MYO5B: variants seen among roughly 807,000 people sequenced by gnomAD.
The protein encoded by MYO5B is myosin VB, also known as unconventional myosin-Vb.
Under a neutral mutation model 229.3 loss-of-function variants are expected in MYO5B, and 143 were observed. That is an observed-to-expected ratio of 0.62 (90% CI 0.54 to 0.72). The LOEUF is 0.72. Among genes scored for constraint, MYO5B ranks in the 30% least tolerant of loss-of-function variants. The pLI is 0.00. For missense variants in MYO5B, 2,321 were observed against 2,331.0 expected, an observed-to-expected ratio of 1.00 and a Z score of 0.09; for synonymous variants, 918 against 885.2, an observed-to-expected ratio of 1.04 and a Z score of -0.66.
chr18:49,942,442 A>G (rs1192844123), intron 14 of MYO5B, among the ~76,000 whole-genome samples: 1 of 149,674 alleles, frequency 6.7e-6, no homozygotes, highest in Non-Finnish European at 1.5e-5. Flanking sequence ...ACAGAATGGG[A>G]GAAAATTTTT....
At chr18:49,890,824 G>C (rs546501466) in intron 22 of MYO5B, among the ~76,000 whole-genome samples, 1 of 152,310 alleles carries the variant, frequency 6.6e-6, no homozygotes, top group East Asian at 1.9e-4. Context: ...CATTTTCTGA[G>C]AATGTTCTTC....
chr18:50,050,291 A>C (rs1424544901), intron 2 of MYO5B, among the ~76,000 whole-genome samples: 1 of 152,166 alleles, frequency 6.6e-6, no homozygotes, highest in Non-Finnish European at 1.5e-5. Flanking sequence ...TGGTTTTGCC[A>C]GATGTGTGCA....
At position 49,863,272 on chromosome 18, in the gene MYO5B, T is replaced by C; in HGVS notation, c.3899A>G (p.Gln1300Arg). ...SWPNSEKHVD[Q>R]EDAIEAYHGV... ...GTGATAGGCCTCAATGGCATCCTCC[T>C]GGTCAACATGCTTTTCACTGTTAGG... Residue 1300 changes from glutamine (Q) to arginine (R), a missense_variant, in exon 29 of 40, where the codon CAG (glutamine) becomes CGG (arginine). Coordinates refer to ENST00000285039, the MANE Select transcript of MYO5B (RefSeq NM_001080467.3). The C allele has an allele frequency of 6.2e-7, 1 of 1,613,750 alleles. No homozygotes were observed. The highest frequency in any genetic ancestry group is 1.1e-5 in the South Asian group (1 of 91,058).
intron 4 of MYO5B, among the ~76,000 whole-genome samples, chr18:50,013,396 C>A (rs1034428376): frequency 6.6e-6 from 1 of 152,180 alleles, no homozygotes; most frequent in African/African-American, 2.4e-5. Flanking sequence ...CCAACTGCAC[C>A]TACACCCTGA....
intron 4 of MYO5B, among the ~76,000 whole-genome samples, chr18:50,032,798 C>G (rs910295293): frequency 6.6e-6 from 1 of 152,090 alleles, no homozygotes; most frequent in Admixed American, 6.6e-5. Context: ...CCAGCCTGGT[C>G]AACAAGGCAA....
At chr18:50,015,741 G>A (rs541742880) in intron 4 of MYO5B, among the ~76,000 whole-genome samples, 2 of 152,260 alleles carry the variant, frequency 1.3e-5, no homozygotes, top group South Asian at 2.1e-4. Flanking sequence ...CTGTGCCATC[G>A]AGGTGAGCAA....
At chr18:49,984,132 A>T (rs1208696193) in intron 8 of MYO5B, among the ~76,000 whole-genome samples, 3 of 152,176 alleles carry the variant, frequency 2.0e-5, no homozygotes, top group Non-Finnish European at 4.4e-5. Flanking sequence ...TCTCCCCCAA[A>T]AGTGGCAGGG....
rs1426074622 is a variant in MYO5B at position 49,989,983 on chromosome 18, T to C, written c.838+456A>G. On this transcript the variant is annotated intron_variant, in intron 7 of 39. Coordinates refer to ENST00000285039, the MANE Select transcript of MYO5B (RefSeq NM_001080467.3). Reference sequence around the variant, plus strand: ...ATGCCATACTGCATCCATATGGCTCTAGAGCCACCCCTGCTTTATTCTCTG... The same window carrying C: ...ATGCCATACTGCATCCATATGGCTCCAGAGCCACCCCTGCTTTATTCTCTG... Among the ~76,000 whole-genome samples, 3 of 152,232 alleles carry C rather than the reference T, an allele frequency of 2.0e-5. 1 individual carries two copies. The highest frequency in any genetic ancestry group is 4.8e-5 in the African/African-American group (2 of 41,458).
At chr18:50,100,037 A>T (rs1251473318) in intron 1 of MYO5B, among the ~76,000 whole-genome samples, 1 of 152,212 alleles carries the variant, frequency 6.6e-6, no homozygotes, top group Non-Finnish European at 1.5e-5. Flanking sequence ...GGTGCCTTCC[A>T]AGCTCAGATC....
chr18:49,837,002 G>A (rs1049217336), intron 37 of MYO5B, 117 bp from the exon 38 acceptor site: 22 of 1,015,154 alleles, frequency 2.2e-5, no homozygotes, highest in East Asian at 5.2e-5. Flanking sequence ...TATCTCACAC[G>A]GTTAAAAAGC....
rs2024054861 is a variant in MYO5B, at chr18:49,841,360, C to T, written c.4701+5G>A. ...TGCCTCCTGGGTGCCTGGCTCCCCA[C>T]TCACCTCATCCCCGCTGTACTGCTT... is the stretch of plus-strand genomic sequence containing the variant. On this transcript the variant is annotated splice_donor_5th_base_variant and intron_variant, in intron 35 of 39. Transcript: ENST00000285039. 1 of 1,613,720 alleles carries T rather than the reference C, an allele frequency of 6.2e-7. No homozygotes were observed. The highest frequency in any genetic ancestry group is 1.7e-5 in the Admixed American group (1 of 60,012).
intron 20 of MYO5B, among the ~76,000 whole-genome samples, chr18:49,903,783 T>C (rs1228802266): frequency 1.3e-5 from 2 of 152,384 alleles, no homozygotes; most frequent in East Asian, 3.9e-4. Flanking sequence ...GTGTTGGTGT[T>C]ACCTGGTTGA....
intron 1 of MYO5B, among the ~76,000 whole-genome samples, chr18:50,145,491 C>A (rs541588048): frequency 2.6e-5 from 2 of 76,186 alleles, no homozygotes; most frequent in East Asian, 4.0e-4. Flanking sequence ...GAGCAAGACT[C>A]CATCTCAAAA....
intron 31 of MYO5B, 119 bp downstream of exon 31, chr18:49,853,330 T>C (rs546864919): frequency 2.0e-6 from 2 of 990,232 alleles, no homozygotes; most frequent in Admixed American, 1.9e-5. Flanking sequence ...AGAATCTCTG[T>C]TCCTACTATA....
At chr18:50,048,083 T>TATAATA (rs35442968) in intron 2 of MYO5B, among the ~76,000 whole-genome samples, 3 of 148,286 alleles carry the variant, frequency 2.0e-5, no homozygotes, top group African/African-American at 7.5e-5. Flanking sequence ...AACCTTTAAG[T>TATAATA]ATAATAATAA....
At chr18:50,154,355 A>G (rs2032647717) in intron 1 of MYO5B, among the ~76,000 whole-genome samples, 1 of 152,208 alleles carries the variant, frequency 6.6e-6, no homozygotes, top group Non-Finnish European at 1.5e-5. Flanking sequence ...ACAACATTGA[A>G]GTCAAGAGTT....
intron 1 of MYO5B, among the ~76,000 whole-genome samples, chr18:50,114,389 C>A (rs2144521450): frequency 6.6e-6 from 1 of 152,288 alleles, no homozygotes; most frequent in South Asian, 2.1e-4. Flanking sequence ...TAACTCTCAG[C>A]CTATTCAAAG....
chr18:50,114,206 A>C (rs955793680), intron 1 of MYO5B, among the ~76,000 whole-genome samples: 1 of 152,216 alleles, frequency 6.6e-6, no homozygotes. Flanking sequence ...GAAAAGAAAA[A>C]AATTAAAAAA....
intron 10 of MYO5B, 139 bp downstream of exon 10, chr18:49,974,211 C>T (rs973668587): frequency 7.9e-7 from 1 of 1,272,124 alleles, no homozygotes; most frequent in African/African-American, 1.5e-5. Context: ...AACTAATCAA[C>T]TAAAAATGGC....
Sources: allele counts gnomAD v4.1 joint callset (sites outside exome capture counted in the v4.1 genomes callset), GRCh38; gene constraint gnomAD v4.1.1; transcripts MANE v1.5; gene names NCBI Gene and HGNC (gene_info 2026-07-23, HGNC 2026-07-21).